NGB: variants seen among roughly 807,000 people sequenced by gnomAD.
NGB encodes neuroglobin.
A neutral mutation model predicts 17.3 loss-of-function variants in NGB; 12 were observed. That is an observed-to-expected ratio of 0.69 (90% CI 0.45 to 1.13). The LOEUF (loss-of-function observed/expected upper bound fraction) is 1.13. Among genes scored for constraint, NGB ranks in the 50% most tolerant of loss-of-function variants. NGB has a pLI of 0.00. For synonymous variants in NGB, 87 were observed against 81.0 expected (o/e 1.07, Z -0.40); for missense variants, 195 against 191.7 (o/e 1.02, Z -0.10).
At chr14:77,269,685 T>C (rs977667548) in intron 1 of NGB, among the ~76,000 whole-genome samples, 64 of 1,174 alleles carry the variant, frequency 0.055, no homozygotes, top group Middle Eastern at 0.25. Flanking sequence ...TCTCTCTCTC[T>C]CTCTCTCTCT....
chr14:77,266,746 G>A, intron 3 of NGB, 76 bp from the exon 4 acceptor site: 3 of 1,529,632 alleles, frequency 2.0e-6, no homozygotes, highest in Non-Finnish European at 2.7e-6. Context: ...AGAAAACTGA[G>A]GCCTAGGACT....
chr14:77,268,618 G>T lies in NGB; in HGVS notation c.202-33C>A, dbSNP rs369175736. The T allele has an allele frequency of 1.1e-5, 17 of 1,612,956 alleles. No homozygotes were observed. In the African/African-American group the frequency reaches 2.1e-4, roughly 20 times the overall value. ...GGCCAAGGCAGCAGTGAAACAGAGAGGCCAGAGCAGCCCCATCTGCTCACA... is the reference window on the plus strand; with the variant it reads ...GGCCAAGGCAGCAGTGAAACAGAGATGCCAGAGCAGCCCCATCTGCTCACA... On this transcript the variant is annotated intron_variant, in intron 2 of 3. Transcript: ENST00000298352.
intron 2 of NGB, 84 bp downstream of exon 2, chr14:77,269,131 G>A: frequency 1.2e-6 from 1 of 869,462 alleles, no homozygotes; most frequent in Non-Finnish European, 1.9e-6. Flanking sequence ...CTAGACCTGG[G>A]GCAGAAAGTC....
chr14:77,269,279 C>T lies in NGB; in HGVS notation c.137G>A (p.Cys46Tyr), dbSNP rs1484345688. ...PDLLPLFQYN[C>Y]RQFSSPEDCL... ...GTCCTCTGGGCTGGAGAACTGGCGG[C>T]AGTTGTACTGGAAGAGGGGCAGCAG... Residue 46 changes from cysteine (C) to tyrosine (Y), a missense_variant, in exon 2 of 4, where the codon TGC becomes TAC. Coordinates refer to ENST00000298352, the MANE Select transcript of NGB (RefSeq NM_021257.4). The T allele has an allele frequency of 6.4e-7, 1 of 1,551,860 alleles. No homozygotes were observed. The highest frequency in any genetic ancestry group is 8.7e-7 in the Non-Finnish European group (1 of 1,146,994).
chr14:77,269,376 G>A (rs1326399891), intron 1 of NGB, 50 bp from the exon 2 acceptor site: 1 of 1,275,308 alleles, frequency 7.8e-7, no homozygotes, highest in South Asian at 1.3e-5. Flanking sequence ...GCTCCTGCAA[G>A]CCCCAGCAAG....
intron 1 of NGB, among the ~76,000 whole-genome samples, chr14:77,270,217 C>T (rs929407955): frequency 3.3e-5 from 5 of 152,042 alleles, no homozygotes; most frequent in South Asian, 4.1e-4. Context: ...ACCAAAACTG[C>T]GAGCTGAGGT....
In NGB at chr14:77,266,107, G is replaced by A. The variant is rs1889663084; in HGVS notation, c.*429C>T. On this transcript the variant is annotated 3_prime_UTR_variant, in exon 4 of 4. Transcript: ENST00000298352. ...GGGCAGGAAAGCAGTGAAGGGACTG[G>A]GCAGGCAGGACAGAAGGCGCTGGAA... 2.1e-6 allele frequency: 1 copy of A among 466,638 alleles called. No individual in the cohort carries two copies. The highest frequency in any genetic ancestry group is 1.6e-5 in the South Asian group (1 of 62,892). The allele number at this position is 466,638 out of a possible 1,614,324, so 28.9% of individuals were successfully genotyped here.
chr14:77,270,416 G>A (rs983498324), intron 1 of NGB, among the ~76,000 whole-genome samples: 2 of 152,142 alleles, frequency 1.3e-5, no homozygotes, highest in Admixed American at 6.5e-5. Context: ...GCAGGAGCTC[G>A]CCCCACACAT....
At chr14:77,268,219 C>A (rs1005913763) in intron 3 of NGB, among the ~76,000 whole-genome samples, 1 of 152,128 alleles carries the variant, frequency 6.6e-6, no homozygotes, top group African/African-American at 2.4e-5. Flanking sequence ...TTGAGCAGAC[C>A]AGCTGATCCC....
At position 77,271,042 on chromosome 14, in the gene NGB, C is replaced by G. The variant is rs1443030890; in HGVS notation, c.-105G>C. 1.2e-6 allele frequency: 1 copy of G among 803,978 alleles called. No individual in the cohort carries two copies. The highest frequency in any genetic ancestry group is 1.8e-6 in the Non-Finnish European group (1 of 550,134). 49.8% of individuals were successfully genotyped at this position (803,978 alleles called of 1,614,324 possible). A position where few individuals can be genotyped will look rare whatever the true frequency, so the allele number is the denominator to read the frequency against. ...CCGCGACGCGGTCCCCTCCGCCCCT[C>G]GTACGCCCCCCGTGCCTCCGCCCGG... On this transcript the variant is annotated 5_prime_UTR_variant, in exon 1 of 4. Transcript: ENST00000298352.
Position 77,271,184 on chromosome 14 carries a change from C to T in NGB, c.-247G>A, listed in dbSNP as rs1012861181. 2 of 408,552 alleles carry T rather than the reference C, an allele frequency of 4.9e-6. No individual in the cohort carries two copies. Among genetic ancestry groups the T allele is most frequent in the South Asian group, 5.1e-5 (1 of 19,784 alleles). The allele number at this position is 408,552 out of a possible 1,614,324, so 25.3% of individuals were successfully genotyped here. On this transcript the variant is annotated 5_prime_UTR_variant, in exon 1 of 4. Transcript: ENST00000298352. ...CCCGCTTGGCCGCTGCGCCCTGCGC[C>T]CCGCAGCCGCCAGAGCCGCCCCACC...
intron 3 of NGB, among the ~76,000 whole-genome samples, chr14:77,267,139 A>T (rs770071053): frequency 6.6e-6 from 1 of 152,230 alleles, no homozygotes; most frequent in Non-Finnish European, 1.5e-5. Flanking sequence ...CAGCTGCTTC[A>T]TCAGTGATAC....
At position 77,269,335 on chromosome 14, in the gene NGB, G is replaced by A. The variant is rs926293209; in HGVS notation, c.90-9C>T. The A allele has an allele frequency of 8.5e-6, 13 of 1,535,442 alleles. No individual in the cohort carries two copies. The highest frequency in any genetic ancestry group is 3.9e-5 in the Admixed American group (2 of 50,936). On this transcript the variant is annotated splice_polypyrimidine_tract_variant and intron_variant, in intron 1 of 3. Transcript: ENST00000298352. ...GCTCCAGGGCAAACAGCCTGTGGGAGTGAGGCCCAGGTGTTAGCCCTGGGG... is the reference window on the plus strand; with the variant it reads ...GCTCCAGGGCAAACAGCCTGTGGGAATGAGGCCCAGGTGTTAGCCCTGGGG...
At chr14:77,268,753 C>T (rs1889709166) in intron 2 of NGB, among the ~76,000 whole-genome samples, 168 bp from the exon 3 acceptor site, 1 of 152,116 alleles carries the variant, frequency 6.6e-6, no homozygotes, top group South Asian at 2.1e-4. Flanking sequence ...TAGGGGGCAC[C>T]CGATACGTGG....
chr14:77,268,022 G>A (rs927278836), intron 3 of NGB, among the ~76,000 whole-genome samples: 2 of 152,202 alleles, frequency 1.3e-5, no homozygotes, highest in African/African-American at 2.4e-5. Context: ...CAAATCACAG[G>A]GACAGAGCTC....
chr14:77,269,041 C>T (rs565535798), intron 2 of NGB, among the ~76,000 whole-genome samples, 174 bp downstream of exon 2: 17 of 152,296 alleles, frequency 1.1e-4, no homozygotes, highest in Admixed American at 9.8e-4. Context: ...GGGGAAGAGG[C>T]TGATTCTGAT....
At chr14:77,270,523 G>A (rs1469797877) in intron 1 of NGB, among the ~76,000 whole-genome samples, 1 of 152,250 alleles carries the variant, frequency 6.6e-6, no homozygotes, top group Admixed American at 6.5e-5. Context: ...GGAGGCACAA[G>A]GCGGGGTGGA....
chr14:77,267,056 C>T (rs1295886430), intron 3 of NGB, among the ~76,000 whole-genome samples: 1 of 152,210 alleles, frequency 6.6e-6, no homozygotes, highest in Non-Finnish European at 1.5e-5. Flanking sequence ...CCAGATAGAC[C>T]TGAGTACAGA....
Position 77,269,250 on chromosome 14 carries a change from G to C in NGB, c.166C>G (p.Leu56Val), listed in dbSNP as rs77722833. ...TGGTCCAGGAACTCAGGCGAGGAGA[G>C]ACAGTCCTCTGGGCTGGAGAACTGG... ...CRQFSSPEDCLSSPEFLDHIR... is the reference protein window; with the variant it reads ...CRQFSSPEDCVSSPEFLDHIR... The change falls in exon 2 of 4, where the codon CTC becomes GTC. Residue 56 changes from leucine (L) to valine (V), a missense_variant. Physicochemically the swap from Leu to Val is conservative, Grantham distance 32. Transcript: ENST00000298352. 7.9e-5 allele frequency: 123 copies of C among 1,551,688 alleles called. No homozygotes were observed. In the East Asian group the frequency reaches 2.8e-3, roughly 35 times the overall value.
Sources: allele counts gnomAD v4.1 joint callset (sites outside exome capture counted in the v4.1 genomes callset), GRCh38; gene constraint gnomAD v4.1.1; transcripts MANE v1.5; gene names NCBI Gene and HGNC (gene_info 2026-07-23, HGNC 2026-07-21).